NPR3: variants seen among roughly 807,000 people sequenced by gnomAD.
NPR3 encodes the protein atrial natriuretic peptide receptor 3.
Under a neutral mutation model 54.5 loss-of-function variants are expected in NPR3, and 34 were observed. The observed-to-expected ratio is 0.62, with a 90% CI of 0.47 to 0.83. The LOEUF (loss-of-function observed/expected upper bound fraction) is 0.83, where lower values mean the gene tolerates loss of function less well. Ranked by LOEUF, NPR3 falls within the 40% of genes least tolerant of loss-of-function variation. The probability of loss-of-function intolerance (pLI) is 0.00; values close to 1 mark genes in which losing one functional copy is unlikely to be tolerated. For missense variants in NPR3, 674 were observed against 720.8 expected (o/e 0.94, Z 0.74); for synonymous variants, 289 against 297.1 (o/e 0.97, Z 0.28).
chr5:32,751,575 G>GC (rs1478465865), intron 3 of NPR3, among the ~76,000 whole-genome samples: 1 of 152,148 alleles, frequency 6.6e-6, no homozygotes, highest in Non-Finnish European at 1.5e-5. Context: ...AGGTTAGCAG[G>GC]CCACCCGTAG....
intron 2 of NPR3, among the ~76,000 whole-genome samples, 170 bp from the exon 3 acceptor site, chr5:32,738,694 C>T (rs1262937421): frequency 6.6e-6 from 1 of 152,196 alleles, no homozygotes; most frequent in Admixed American, 6.5e-5. Flanking sequence ...GCCTTCTTCT[C>T]CTTTAATGGT....
intron 1 of NPR3, chr5:32,716,702 C>G: frequency 6.3e-6 from 1 of 159,094 alleles, no homozygotes; most frequent in Non-Finnish European, 1.4e-5. Flanking sequence ...AAGGTTAAGT[C>G]ACATAGGCTT....
intron 2 of NPR3, among the ~76,000 whole-genome samples, chr5:32,734,742 C>T (rs1159656893): frequency 1.3e-5 from 2 of 152,220 alleles, no homozygotes; most frequent in Non-Finnish European, 2.9e-5. Flanking sequence ...CCACATGTGG[C>T]ATTGAGCACT....
chr5:32,756,323 T>C (rs1411438005), intron 3 of NPR3, among the ~76,000 whole-genome samples: 3 of 152,204 alleles, frequency 2.0e-5, no homozygotes, highest in Non-Finnish European at 4.4e-5. Flanking sequence ...TATCTCATTG[T>C]GGTTTTGATT....
Position 32,724,735 on chromosome 5 carries a change from C to G in NPR3, c.807C>G (p.Ser269Arg). ...GTGCGAGCAGTGACACCATCCGGAG[C>G]ATCATGCTGGTGGCGCACAGGCATG... ...IMCASSDTIR[S>R]IMLVAHRHGM... is the part of the protein sequence containing the mutation. Residue 269 changes from serine (S) to arginine (R), a missense_variant, in exon 2 of 8, where the codon AGC becomes AGG. Transcript: ENST00000265074. The G allele has an allele frequency of 6.2e-7, 1 of 1,613,956 alleles. No individual in the cohort carries two copies. The highest frequency in any genetic ancestry group is 8.5e-7 in the Non-Finnish European group (1 of 1,179,866).
At chr5:32,710,859 G>GTTTTTTATTTTTTT, upstream of NPR3, 1 of 976,160 alleles carries the variant, frequency 1.0e-6, no homozygotes, top group Non-Finnish European at 1.4e-6. Flanking sequence ...CCCAGTCCTG[G>GTTTTTTATTTTTTT]TTTTTTTTTT....
chr5:32,714,864 T>C (rs1369971587), intron 1 of NPR3, among the ~76,000 whole-genome samples: 5 of 152,194 alleles, frequency 3.3e-5, no homozygotes, highest in Non-Finnish European at 7.3e-5. Flanking sequence ...AGTTTCTGGC[T>C]CAGTCACCGG....
At chr5:32,724,608 G>C in intron 1 of NPR3, 90 bp from the exon 2 acceptor site, 1 of 1,477,986 alleles carries the variant, frequency 6.8e-7, no homozygotes, top group Non-Finnish European at 9.4e-7. Context: ...TAAGTATCCC[G>C]TTCCTTGTCA....
chr5:32,716,194 A>C, intron 1 of NPR3, among the ~76,000 whole-genome samples: 1 of 152,164 alleles, frequency 6.6e-6, no homozygotes, highest in East Asian at 1.9e-4. Context: ...TTTTTTGAAA[A>C]AAGTTAGATT....
At chr5:32,763,310 A>ATATT (rs1182050248) in intron 3 of NPR3, among the ~76,000 whole-genome samples, 2 of 151,508 alleles carry the variant, frequency 1.3e-5, no homozygotes, top group Admixed American at 1.3e-4. Context: ...TTTTTTATTT[A>ATATT]TATTTATTTA....
intron 3 of NPR3, among the ~76,000 whole-genome samples, chr5:32,762,246 A>G (rs2112016286): frequency 6.6e-6 from 1 of 152,188 alleles, no homozygotes; most frequent in Admixed American, 6.5e-5. Flanking sequence ...CAGTGCTGCA[A>G]TAAACATACA....
intron 3 of NPR3, among the ~76,000 whole-genome samples, chr5:32,761,792 T>A (rs997988853): frequency 1.3e-5 from 2 of 151,756 alleles, no homozygotes; most frequent in South Asian, 4.2e-4. Context: ...CTCAAAAATA[T>A]AATTTTTTTT....
chr5:32,742,100 C>T (rs1305165862), intron 3 of NPR3, among the ~76,000 whole-genome samples: 5 of 151,778 alleles, frequency 3.3e-5, no homozygotes, highest in Non-Finnish European at 7.4e-5. Context: ...TTTTGCTTCT[C>T]TTATTTGTGC....
rs894779990 is a variant in NPR3 at position 32,712,304 on chromosome 5, C to G, written c.528C>G (p.Arg176=). The G allele has an allele frequency of 1.9e-6, 3 of 1,613,122 alleles. No homozygotes were observed. The highest frequency in any genetic ancestry group is 1.7e-6 in the Non-Finnish European group (2 of 1,179,798). ...ACTCTGAGTACTCGCACCTCACGCG[C>G]GTGGCGCCCGCCTACGCCAAGATGG... ...HKDSEYSHLT[R]VAPAYAKMGE... is the part of the protein sequence containing the mutation. Residue 176 remains arginine (R), a synonymous_variant, in exon 1 of 8, where the codon CGC becomes CGG. Transcript: ENST00000265074.
At chr5:32,717,302 G>A (rs967600439) in intron 1 of NPR3, among the ~76,000 whole-genome samples, 25 of 152,190 alleles carry the variant, frequency 1.6e-4, no homozygotes, top group East Asian at 5.8e-4. Context: ...GAATAGTGCC[G>A]CAATAAATAT....
At chr5:32,780,602 T>C in intron 4 of NPR3, 120 bp from the exon 5 acceptor site, 1 of 737,254 alleles carries the variant, frequency 1.4e-6, no homozygotes, top group African/African-American at 1.7e-5. Flanking sequence ...CAGAGTCTGA[T>C]GAGATTCCCT....
chr5:32,715,399 A>C (rs1253338651), intron 1 of NPR3, among the ~76,000 whole-genome samples: 1 of 152,230 alleles, frequency 6.6e-6, no homozygotes, highest in Non-Finnish European at 1.5e-5. Flanking sequence ...ATGTTTGAAC[A>C]AGTAAAAAAC....
At chr5:32,728,503 T>G (rs1375109359) in intron 2 of NPR3, among the ~76,000 whole-genome samples, 1 of 151,228 alleles carries the variant, frequency 6.6e-6, no homozygotes, top group Non-Finnish European at 1.5e-5. Flanking sequence ...TGGGATAGTA[T>G]TGCCAGATTT....
At chr5:32,756,835 T>A (rs1361277463) in intron 3 of NPR3, among the ~76,000 whole-genome samples, 1 of 152,230 alleles carries the variant, frequency 6.6e-6, no homozygotes, top group Non-Finnish European at 1.5e-5. Flanking sequence ...TAGCCAGTTT[T>A]CCCAGCACCA....
Sources: gnomAD v4.1 joint callset for allele counts (sites outside exome capture counted in the v4.1 genomes callset) on GRCh38, gnomAD v4.1.1 for gene constraint, MANE v1.5 for transcripts, NCBI Gene and HGNC (gene_info 2026-07-23, HGNC 2026-07-21) for gene names.